ADGRD1: variants seen among roughly 807,000 people sequenced by gnomAD.
ADGRD1 encodes G-protein coupled receptor 133.
In ADGRD1, 77 loss-of-function variants were observed where a neutral mutation model predicts 113.4. The ratio of observed to expected loss-of-function variants is 0.68; its 90% CI spans 0.57 to 0.82. ADGRD1 has a LOEUF of 0.82. ADGRD1 is among the 40% of genes least tolerant of loss of function. The probability of loss-of-function intolerance (pLI) is 0.00; values close to 1 mark genes in which losing one functional copy is unlikely to be tolerated. For synonymous variants in ADGRD1, 474 were observed against 475.0 expected (o/e 1.00, Z 0.03); for missense variants, 1,036 against 1,139.1 (o/e 0.91, Z 1.30).
At position 131,022,294 on chromosome 12, in the gene ADGRD1, A is replaced by C. The variant is rs1475363666; in HGVS notation, c.1473+7954A>C. Among the ~76,000 whole-genome samples the C allele has an allele frequency of 6.6e-6, 1 of 152,158 alleles. No homozygotes were observed. Among genetic ancestry groups the C allele is most frequent in the Admixed American group, 6.5e-5 (1 of 15,278 alleles). The stretch of plus-strand genomic sequence containing the variant: ...AAAGGGATGGTTTTCCCCTTTGCCT[A>C]GAATAAATATCTTGGTGGTGGGGAG... On this transcript the variant is annotated intron_variant, in intron 13 of 24. Coordinates refer to ENST00000261654, the MANE Select transcript of ADGRD1 (RefSeq NM_198827.5). The surrounding 1 kb of genome is among the most constrained non-coding windows in gnomAD (Gnocchi z 4.6).
chr12:130,961,259 CTCTG>C (rs1333809411), intron 2 of ADGRD1, among the ~76,000 whole-genome samples: 3 of 152,174 alleles, frequency 2.0e-5, no homozygotes, highest in Non-Finnish European at 4.4e-5. Flanking sequence ...AGTATTAATA[CTCTG>C]TCTTTCATCT....
At chr12:131,073,993 C>T (rs1270785556) in intron 13 of ADGRD1, among the ~76,000 whole-genome samples, 3 of 152,194 alleles carry the variant, frequency 2.0e-5, no homozygotes, top group African/African-American at 7.2e-5. Context: ...TTGGGGGACA[C>T]AGTCAAACCC....
chr12:131,004,978 AG>A (rs1242980128), intron 11 of ADGRD1, among the ~76,000 whole-genome samples: 1 of 152,318 alleles, frequency 6.6e-6, no homozygotes, highest in African/African-American at 2.4e-5. Context: ...TCGGGCAAGC[AG>A]GGGAGAGCCT....
chr12:131,098,366 G>A (rs1949991921), intron 15 of ADGRD1, among the ~76,000 whole-genome samples: 1 of 152,138 alleles, frequency 6.6e-6, no homozygotes, highest in Non-Finnish European at 1.5e-5. Flanking sequence ...AGCCATGGTG[G>A]GGGAATGGGG....
At chr12:131,059,286 G>A (rs1275765094) in intron 13 of ADGRD1, among the ~76,000 whole-genome samples, 1 of 152,110 alleles carries the variant, frequency 6.6e-6, no homozygotes, top group Non-Finnish European at 1.5e-5. Flanking sequence ...TGATTCTCGT[G>A]CCTCAGCCTC....
In ADGRD1 at chr12:131,003,811, C is replaced by T. The variant is rs569985516; in HGVS notation, c.1145-375C>T. Among the ~76,000 whole-genome samples, 18 of 152,302 alleles carry T rather than the reference C, an allele frequency of 1.2e-4. No individual in the cohort carries two copies. The South Asian group carries it at 3.1e-3, about 26-fold the overall frequency. ...CTGAAGCTACAGGGGTTAGTTTAGT[C>T]GCAGTTTGTTGGCCGTGTTGCCCTC... On this transcript the variant is annotated intron_variant, in intron 10 of 24. Coordinates refer to ENST00000261654, the MANE Select transcript of ADGRD1 (RefSeq NM_198827.5). The surrounding 1 kb of genome is among the most constrained non-coding windows in gnomAD (Gnocchi z 4.8).
Position 130,954,667 on chromosome 12 carries a change from G to C in ADGRD1, c.103+7G>C, listed in dbSNP as rs1415434823. The C allele has an allele frequency of 6.2e-7, 1 of 1,612,352 alleles. No individual in the cohort carries two copies. Among genetic ancestry groups the C allele is most frequent in the Non-Finnish European group, 8.5e-7 (1 of 1,179,616 alleles). Reference sequence around the variant, plus strand: ...AGATCGCAGGACCATCCAGGTAAGAGTGTTTCCTTCTCACTCTGAGCACCG... The same window carrying C: ...AGATCGCAGGACCATCCAGGTAAGACTGTTTCCTTCTCACTCTGAGCACCG... On this transcript the variant is annotated splice_region_variant and intron_variant, in intron 2 of 24. Coordinates refer to ENST00000261654, the MANE Select transcript of ADGRD1 (RefSeq NM_198827.5). The surrounding 1 kb of genome is among the most constrained non-coding windows in gnomAD (Gnocchi z 4.7).
chr12:131,123,375 G>A (rs951515614), intron 20 of ADGRD1, among the ~76,000 whole-genome samples: 6 of 151,780 alleles, frequency 4.0e-5, no homozygotes, highest in African/African-American at 1.5e-4. Context: ...TCCTGTCTAA[G>A]CTCCACCTCC....
chr12:130,963,980 T>C (rs1333189375), intron 2 of ADGRD1, among the ~76,000 whole-genome samples: 6 of 152,236 alleles, frequency 3.9e-5, no homozygotes, highest in African/African-American at 1.4e-4. Context: ...TGAACTCTGA[T>C]AGGCTCATTG....
Position 130,965,439 on chromosome 12 carries a change from A to G in ADGRD1, c.104-1024A>G, listed in dbSNP as rs1870899008. On this transcript the variant is annotated intron_variant, in intron 2 of 24. Transcript: ENST00000261654. This position sits in a 1 kb window ranked among gnomAD's most constrained non-coding sequence, Gnocchi z 4.8. Reference sequence around the variant, plus strand: ...GACTATTAGTCTGTCCTTTTCTATGATCTAGCAGTCGCTTGGGGCAGTTGA... The same window carrying G: ...GACTATTAGTCTGTCCTTTTCTATGGTCTAGCAGTCGCTTGGGGCAGTTGA... Among the ~76,000 whole-genome samples the G allele has an allele frequency of 6.6e-6, 1 of 152,144 alleles. No individual in the cohort carries two copies. The highest frequency in any genetic ancestry group is 2.1e-4 in the South Asian group (1 of 4,828).
intron 14 of ADGRD1, among the ~76,000 whole-genome samples, chr12:131,077,362 C>T (rs1885708262): frequency 6.6e-6 from 1 of 152,198 alleles, no homozygotes; most frequent in Non-Finnish European, 1.5e-5. Flanking sequence ...CAGCCTCTGC[C>T]ACTTGGGCCC....
Position 130,992,401 on chromosome 12 carries a change from A to G in ADGRD1, c.966+9A>G, listed in dbSNP as rs754552107. 1.6e-5 allele frequency: 25 copies of G among 1,609,160 alleles called. No homozygotes were observed. In the East Asian group the frequency reaches 5.4e-4, roughly 34 times the overall value. On this transcript the variant is annotated intron_variant, in intron 8 of 24. Transcript: ENST00000261654. ...CCTTGAATCTCACCAAGGTAAGGCT[A>G]TTTGATGTCTGTGTCTGGTGGACCG...
At chr12:131,032,557 G>A (rs1880898586) in intron 13 of ADGRD1, among the ~76,000 whole-genome samples, 1 of 152,208 alleles carries the variant, frequency 6.6e-6, no homozygotes, top group South Asian at 2.1e-4. Flanking sequence ...GCAGTGAGCG[G>A]AGAGGGCTCT....
At chr12:131,102,504 C>T (rs773421120) in intron 15 of ADGRD1, among the ~76,000 whole-genome samples, 63 of 152,346 alleles carry the variant, frequency 4.1e-4, no homozygotes, top group Non-Finnish European at 3.7e-4. Context: ...TGGGCAGCCT[C>T]GGGCCCCCGG....
chr12:131,020,983 G>C (rs998916315), intron 13 of ADGRD1, among the ~76,000 whole-genome samples: 4 of 152,222 alleles, frequency 2.6e-5, no homozygotes, highest in African/African-American at 7.2e-5. Flanking sequence ...TTTGTTTCCA[G>C]TGTTGTCAAA....
intron 9 of ADGRD1, among the ~76,000 whole-genome samples, chr12:131,002,232 T>C (rs749115143): frequency 2.0e-5 from 3 of 152,186 alleles, no homozygotes; most frequent in Non-Finnish European, 4.4e-5. Context: ...TTACAAAATA[T>C]GAATAACCAG....
chr12:131,065,947 C>T (rs1024669694), intron 13 of ADGRD1, among the ~76,000 whole-genome samples: 2 of 152,080 alleles, frequency 1.3e-5, no homozygotes, highest in African/African-American at 2.4e-5. Context: ...CTCTCAGGAA[C>T]GCTGGGGACC....
chr12:130,997,020 C>A (rs1875552183), intron 8 of ADGRD1, among the ~76,000 whole-genome samples: 1 of 137,070 alleles, frequency 7.3e-6, no homozygotes, highest in Non-Finnish European at 1.6e-5. Context: ...CTGACCCCCC[C>A]ACCTCCCTCC....
At chr12:131,006,078 G>T in intron 12 of ADGRD1, 31 bp downstream of exon 12, 2 of 1,573,242 alleles carry the variant, frequency 1.3e-6, no homozygotes, top group Middle Eastern at 1.7e-4. Context: ...GCTCAGGGGC[G>T]TGGGTGTGCG....
Sources: gnomAD v4.1 joint callset for allele counts (sites outside exome capture counted in the v4.1 genomes callset) on GRCh38, gnomAD v4.1.1 for gene constraint, Gnocchi (gnomAD v3.1) non-coding constraint, MANE v1.5 for transcripts, NCBI Gene and HGNC (gene_info 2026-07-23, HGNC 2026-07-21) for gene names.